RHBDD2: variants seen among roughly 807,000 people sequenced by gnomAD.
The protein encoded by RHBDD2 is rhomboid domain containing 2.
In RHBDD2, 13 loss-of-function variants were observed where a neutral mutation model predicts 21.7. The observed-to-expected ratio is 0.60, with a 90% confidence interval of 0.39 to 0.95. The LOEUF (loss-of-function observed/expected upper bound fraction) is 0.95. RHBDD2 is among the 40% of genes least tolerant of loss of function. The pLI is 0.00. For synonymous variants in RHBDD2, 225 were observed against 220.0 expected (o/e 1.02, Z -0.20); for missense variants, 473 against 478.9 (o/e 0.99, Z 0.11).
intron 1 of RHBDD2, chr7:75,881,274 A>T (rs1048612430): frequency 1.8e-6 from 2 of 1,138,246 alleles, no homozygotes; most frequent in Admixed American, 2.3e-5. Context: ...GAGGAGACTT[A>T]TAATTTCTAT....
chr7:75,887,201 A>C (rs1028515318), intron 3 of RHBDD2, among the ~76,000 whole-genome samples: 1 of 145,716 alleles, frequency 6.9e-6, no homozygotes, highest in Non-Finnish European at 1.5e-5. Context: ...GCAGTGGCAC[A>C]GTCATAACTC....
At position 75,887,998 on chromosome 7, in the gene RHBDD2, C is replaced by T; in HGVS notation, c.744C>T (p.Asn248=). ...CTCTCTTGTTCCATTCCAGACTGAA[C>T]CCGGTGCCTGGCTCCTACCCCACAC... ...ERRAAQSRKL[N]PVPGSYPTQS... The change falls in exon 4 of 4, where the codon AAC becomes AAT. Residue 248 remains asparagine, a synonymous_variant. Coordinates refer to ENST00000006777, the MANE Select transcript of RHBDD2 (RefSeq NM_001040456.3). 1 of 1,611,358 alleles carries T rather than the reference C, an allele frequency of 6.2e-7. No individual in the cohort carries two copies.
At chr7:75,885,717 G>T (rs1011578219) in intron 3 of RHBDD2, among the ~76,000 whole-genome samples, 1 of 152,032 alleles carries the variant, frequency 6.6e-6, no homozygotes, top group Non-Finnish European at 1.5e-5. Context: ...AGGGAGGGAG[G>T]TGCTGGGCTC....
At chr7:75,879,652 A>C (rs1172940625) in intron 1 of RHBDD2, among the ~76,000 whole-genome samples, 1 of 152,096 alleles carries the variant, frequency 6.6e-6, no homozygotes, top group African/African-American at 2.4e-5. Flanking sequence ...CCTAAGCCCC[A>C]CTGAAAAACG....
At chr7:75,881,554 C>T (rs1412809312) in intron 1 of RHBDD2, 5 of 1,357,882 alleles carry the variant, frequency 3.7e-6, no homozygotes, top group African/African-American at 1.5e-5. Flanking sequence ...TGCCCTCTAC[C>T]GAAAAGTATT....
chr7:75,883,602 C>CTTCT, intron 2 of RHBDD2, 96 bp from the exon 3 acceptor site: 2 of 1,073,706 alleles, frequency 1.9e-6, no homozygotes, highest in Non-Finnish European at 2.8e-6. Flanking sequence ...AGCATGAAGG[C>CTTCT]TTCTGTAGAG....
chr7:75,888,620 A>G lies in RHBDD2; in HGVS notation c.*271A>G. 1 of 445,986 alleles carries G rather than the reference A, an allele frequency of 2.2e-6. No individual in the cohort carries two copies. Among genetic ancestry groups the G allele is most frequent in the Non-Finnish European group, 4.0e-6 (1 of 246,948 alleles). The allele number at this position is 445,986 out of a possible 1,614,324, so 27.6% of individuals were successfully genotyped here. A position where few individuals can be genotyped will look rare whatever the true frequency, so the allele number is the denominator to read the frequency against. ...CACGGACAAGGCTCCTCGCCAAGGA[A>G]CTCGTGGCAGAAGAGGGCAGCAGTT... On this transcript the variant is annotated 3_prime_UTR_variant, in exon 4 of 4. Transcript: ENST00000006777.
chr7:75,887,030 G>T (rs782006009), intron 3 of RHBDD2, among the ~76,000 whole-genome samples: 20 of 152,164 alleles, frequency 1.3e-4, no homozygotes, highest in Admixed American at 5.2e-4. Flanking sequence ...GTTTCAGGCA[G>T]CCTGACAGTG....
chr7:75,883,106 A>C (rs566712063), intron 2 of RHBDD2, among the ~76,000 whole-genome samples: 235 of 152,238 alleles, frequency 1.5e-3, no homozygotes, highest in Admixed American at 3.5e-3. Context: ...CTGGCTTCTG[A>C]CTGACTGCAG....
intron 3 of RHBDD2, 69 bp downstream of exon 3, chr7:75,883,917 C>T (rs1037691926): frequency 9.4e-5 from 121 of 1,285,380 alleles, no homozygotes; most frequent in East Asian, 3.1e-4. Context: ...TTTTTTGAGA[C>T]GGAGTCTCAC....
intron 2 of RHBDD2, among the ~76,000 whole-genome samples, chr7:75,882,621 G>A (rs1035136440): frequency 2.0e-5 from 3 of 152,078 alleles, no homozygotes; most frequent in East Asian, 1.9e-4. Context: ...CACCGTGGCC[G>A]AGTCATATCT....
intron 3 of RHBDD2, among the ~76,000 whole-genome samples, chr7:75,887,514 G>A (rs1397895669): frequency 3.3e-5 from 5 of 151,486 alleles, no homozygotes; most frequent in Admixed American, 6.6e-5. Context: ...AGTAGAGACC[G>A]GGTTTCATCA....
intron 3 of RHBDD2, among the ~76,000 whole-genome samples, chr7:75,885,405 C>G (rs1554543641): frequency 6.6e-6 from 1 of 152,116 alleles, no homozygotes; most frequent in Admixed American, 6.6e-5. Flanking sequence ...CCACCTCCCT[C>G]CCTCTCCCCT....
In RHBDD2 at chr7:75,879,051, C is replaced by A; in HGVS notation, c.-32C>A. On this transcript the variant is annotated 5_prime_UTR_variant, in exon 1 of 4. Coordinates refer to ENST00000006777, the MANE Select transcript of RHBDD2 (RefSeq NM_001040456.3). ...GAAGGAGCAGAGGACCGGCAGCCGG[C>A]GTCGAGGCGGGGCGCGGGAACGACG... 7.3e-7 allele frequency: 1 copy of A among 1,366,014 alleles called. No individual in the cohort carries two copies. Among genetic ancestry groups the A allele is most frequent in the Non-Finnish European group, 9.5e-7 (1 of 1,056,542 alleles). 84.6% of individuals were successfully genotyped at this position (1,366,014 alleles called of 1,614,324 possible). A position where few individuals can be genotyped will look rare whatever the true frequency, so the allele number is the denominator to read the frequency against.
chr7:75,886,008 A>T (rs2116039558), intron 3 of RHBDD2, among the ~76,000 whole-genome samples: 1 of 152,260 alleles, frequency 6.6e-6, no homozygotes, highest in African/African-American at 2.4e-5. Context: ...TTGGAATTAT[A>T]GGCGCGTGCC....
Position 75,888,824 on chromosome 7 carries a change from T to G in RHBDD2, c.*475T>G. 2 of 168,002 alleles carry G rather than the reference T, an allele frequency of 1.2e-5. No individual in the cohort carries two copies. The allele number at this position is 168,002 out of a possible 1,614,324, so 10.4% of individuals were successfully genotyped here. ...CCTGCTGCGGGCGCCCCCACCCCGATTCCTCTCCCCAGAAGCGGTGGGATG... is the reference window on the plus strand; with the variant it reads ...CCTGCTGCGGGCGCCCCCACCCCGAGTCCTCTCCCCAGAAGCGGTGGGATG... On this transcript the variant is annotated 3_prime_UTR_variant, in exon 4 of 4. Transcript: ENST00000006777.
At chr7:75,883,659 C>T (rs552213974) in intron 2 of RHBDD2, 39 bp from the exon 3 acceptor site, 1 of 1,600,302 alleles carries the variant, frequency 6.2e-7, no homozygotes, top group East Asian at 2.2e-5. Flanking sequence ...GCCCTCCTCC[C>T]TTTGCTGCCT....
At position 75,882,115 on chromosome 7, in the gene RHBDD2, C is replaced by A. The variant is rs267601570; in HGVS notation, c.465C>A (p.Ala155=). ...VTTVRSRMRR[A]LVFGMVVPSV... ...CCGTCCGTTCTCGGATGAGGCGGGC[C>A]CTGGTGTTTGGCATGGTTGTGCCCT... is the stretch of plus-strand genomic sequence containing the variant. The change falls in exon 2 of 4, where the codon GCC becomes GCA. Residue 155 remains alanine, a synonymous_variant. Transcript: ENST00000006777. 8.1e-6 allele frequency: 13 copies of A among 1,614,174 alleles called. No homozygotes were observed. In the African/African-American group the frequency reaches 1.7e-4, roughly 22 times the overall value.
chr7:75,888,465 G>C lies in RHBDD2; in HGVS notation c.*116G>C, dbSNP rs1554544622. On this transcript the variant is annotated 3_prime_UTR_variant, in exon 4 of 4. Transcript: ENST00000006777. ...TGCCAGGCTCTGTGTTGGGTACTTT[G>C]ATCAATGCCCCTGTTTCAGTCTCAT... 1.2e-6 allele frequency: 1 copy of C among 823,542 alleles called. No homozygotes were observed. The highest frequency in any genetic ancestry group is 1.7e-5 in the African/African-American group (1 of 59,210). 51.0% of individuals were successfully genotyped at this position (823,542 alleles called of 1,614,324 possible).
Sources: gnomAD v4.1 joint callset for allele counts (sites outside exome capture counted in the v4.1 genomes callset) on GRCh38, gnomAD v4.1.1 for gene constraint, MANE v1.5 for transcripts, NCBI Gene and HGNC (gene_info 2026-07-23, HGNC 2026-07-21) for gene names.